The following TCEA3 variants were observed in gnomAD, a reference collection of about 807,000 sequenced individuals.
TCEA3 encodes the protein transcription elongation factor A3, also known as transcription elongation factor A protein 3.
A neutral mutation model predicts 44.0 loss-of-function variants in TCEA3; 36 were observed. The observed-to-expected ratio is 0.82, with a 90% CI of 0.63 to 1.08. TCEA3 has a LOEUF of 1.08. TCEA3 is among the 50% of genes least tolerant of loss of function. TCEA3 has a pLI of 0.00. For missense variants in TCEA3, 392 were observed against 441.2 expected (o/e 0.89, Z 1.00); for synonymous variants, 162 against 159.7 (o/e 1.01, Z -0.11).
Position 23,424,449 on chromosome 1 carries a change from C to A in TCEA3, c.69+116G>T. On this transcript the variant is annotated intron_variant, in intron 1 of 10. Transcript: ENST00000450454. ...TGCACCAGCCGCTCCTCCCTCGGGT[C>A]CCCGAGTCCCGTACGCGCCCCCATG... 4.5e-6 allele frequency: 4 copies of A among 892,390 alleles called. No individual in the cohort carries two copies. In the South Asian group the frequency reaches 6.2e-5, roughly 14 times the overall value. The allele number at this position is 892,390 out of a possible 1,614,324, so 55.3% of individuals were successfully genotyped here.
chr1:23,412,794 A>G (rs1639773497), intron 4 of TCEA3, among the ~76,000 whole-genome samples: 1 of 152,248 alleles, frequency 6.6e-6, no homozygotes, highest in South Asian at 2.1e-4. Flanking sequence ...GAGAGGAAGA[A>G]AAATAAAAGC....
At chr1:23,398,051 TCCTCATAACAA>T in intron 5 of TCEA3, 96 bp from the exon 6 acceptor site, 1 of 1,441,416 alleles carries the variant, frequency 6.9e-7, no homozygotes, top group Non-Finnish European at 9.5e-7. Flanking sequence ...TCTCCTATAA[TCCTCATAACAA>T]CCTCATGAGG....
At chr1:23,412,594 G>A (rs1231762859) in intron 4 of TCEA3, among the ~76,000 whole-genome samples, 1 of 151,964 alleles carries the variant, frequency 6.6e-6, no homozygotes, top group Non-Finnish European at 1.5e-5. Flanking sequence ...TGTAATCCCA[G>A]CTACTCGGGA....
chr1:23,399,946 G>C (rs1639349422), intron 5 of TCEA3, among the ~76,000 whole-genome samples: 1 of 152,198 alleles, frequency 6.6e-6, no homozygotes, highest in African/African-American at 2.4e-5. Context: ...AAAGTGTTGG[G>C]ATTACAGGCA....
chr1:23,404,711 C>A (rs758033405), intron 5 of TCEA3, among the ~76,000 whole-genome samples: 3 of 152,112 alleles, frequency 2.0e-5, no homozygotes, highest in Non-Finnish European at 2.9e-5. Context: ...GTAATCCCAG[C>A]ACTTTGGGTG....
Position 23,424,653 on chromosome 1 carries a change from CG to C in TCEA3, c.-21del. 6.3e-7 allele frequency: 1 copy of C among 1,598,482 alleles called. No individual in the cohort carries two copies. The highest frequency in any genetic ancestry group is 1.3e-5 in the African/African-American group (1 of 74,354). On this transcript the variant is annotated 5_prime_UTR_variant, in exon 1 of 11. Coordinates refer to ENST00000450454, the MANE Select transcript of TCEA3 (RefSeq NM_003196.3). ...GCCCATGTTGGCCCGCGACGCCCGG[CG>C]GGGCGAGGGGCACAGGGGCAGCAGT...
intron 5 of TCEA3, among the ~76,000 whole-genome samples, chr1:23,399,668 C>G (rs948386321): frequency 1.1e-4 from 17 of 150,054 alleles, no homozygotes; most frequent in Admixed American, 1.1e-3. Flanking sequence ...ATGTGAGAAA[C>G]CTTTTTTTTT....
chr1:23,384,220 C>A, intron 10 of TCEA3, 126 bp downstream of exon 10: 1 of 1,567,144 alleles, frequency 6.4e-7, no homozygotes, highest in Non-Finnish European at 8.6e-7. Context: ...GCTCTGCAGA[C>A]CTACTCTGTG....
intron 1 of TCEA3, among the ~76,000 whole-genome samples, chr1:23,419,792 C>T (rs1640003986): frequency 6.6e-6 from 1 of 152,188 alleles, no homozygotes; most frequent in Admixed American, 6.5e-5. Context: ...GCCAAGATCA[C>T]ACCACTGCAC....
chr1:23,402,759 A>G (rs1226306721), intron 5 of TCEA3, among the ~76,000 whole-genome samples: 1 of 152,016 alleles, frequency 6.6e-6, no homozygotes, highest in Non-Finnish European at 1.5e-5. Context: ...GAGTATTGGG[A>G]CCCTGTCACG....
In TCEA3 at chr1:23,397,846, C is replaced by A. The variant is rs749036794; in HGVS notation, c.553G>T (p.Asp185Tyr). 7 of 1,613,868 alleles carry A rather than the reference C, an allele frequency of 4.3e-6. No individual in the cohort carries two copies. The highest frequency in any genetic ancestry group is 5.9e-6 in the Non-Finnish European group (7 of 1,179,904). ...CLLAPCYLTG[D>Y]SVRDKCVEML... ...TCCACACACTTGTCCCGGACAGAGT[C>A]CCCTGTGAGATAGCAGGGGGCCAGG... Residue 185 changes from aspartate to tyrosine, a missense_variant, in exon 6 of 11, where the codon GAC becomes TAC. Coordinates refer to ENST00000450454, the MANE Select transcript of TCEA3 (RefSeq NM_003196.3).
Position 23,418,026 on chromosome 1 carries a change from T to G in TCEA3, c.133-17A>C. The G allele has an allele frequency of 6.2e-7, 1 of 1,612,766 alleles. No homozygotes were observed. On this transcript the variant is annotated splice_polypyrimidine_tract_variant and intron_variant, in intron 2 of 10. Coordinates refer to ENST00000450454, the MANE Select transcript of TCEA3 (RefSeq NM_003196.3). ...CCTGGTTGTCTGCAAAGTGAGAGGG[T>G]TAAGGCATAATCTGGGAATGGATAC...
At chr1:23,387,627 T>C (rs1167860333) in intron 8 of TCEA3, among the ~76,000 whole-genome samples, 1 of 152,206 alleles carries the variant, frequency 6.6e-6, no homozygotes, top group Admixed American at 6.5e-5. Flanking sequence ...TGGAAGGTCA[T>C]AATGCACATT....
At chr1:23,418,892 C>T (rs997189878) in intron 2 of TCEA3, among the ~76,000 whole-genome samples, 185 bp downstream of exon 2, 12 of 151,698 alleles carry the variant, frequency 7.9e-5, no homozygotes, top group African/African-American at 2.4e-4. Flanking sequence ...ATACCCTCTC[C>T]GCCCCCGAGA....
intron 1 of TCEA3, among the ~76,000 whole-genome samples, chr1:23,421,250 C>T (rs1008816500): frequency 9.2e-5 from 14 of 152,274 alleles, no homozygotes; most frequent in African/African-American, 3.4e-4. Context: ...TGTATTATTC[C>T]CATTCTTACA....
chr1:23,411,835 T>G (rs1474046603), intron 4 of TCEA3, among the ~76,000 whole-genome samples: 2 of 152,262 alleles, frequency 1.3e-5, no homozygotes, highest in Non-Finnish European at 2.9e-5. Flanking sequence ...ATGTCTGTAT[T>G]TAGCCAGTTC....
At chr1:23,417,448 C>T in intron 3 of TCEA3, 58 bp from the exon 4 acceptor site, 5 of 1,574,620 alleles carry the variant, frequency 3.2e-6, no homozygotes, top group Non-Finnish European at 4.3e-6. Context: ...CAGAACCCAG[C>T]ATGACTTAGT....
intron 1 of TCEA3, among the ~76,000 whole-genome samples, chr1:23,419,712 T>C (rs933061955): frequency 4.6e-5 from 7 of 152,142 alleles, no homozygotes; most frequent in Admixed American, 3.9e-4. Context: ...GGCGCATGCC[T>C]GTAATCCCAG....
At chr1:23,382,141 A>G (rs982342443) in intron 10 of TCEA3, among the ~76,000 whole-genome samples, 1 of 150,576 alleles carries the variant, frequency 6.6e-6, no homozygotes, top group African/African-American at 2.4e-5. Flanking sequence ...CCGCCTCCTG[A>G]GTTCAAGCGA....
Sources: allele counts gnomAD v4.1 joint callset (sites outside exome capture counted in the v4.1 genomes callset), GRCh38; gene constraint gnomAD v4.1.1; transcripts MANE v1.5; gene names NCBI Gene and HGNC (gene_info 2026-07-23, HGNC 2026-07-21).